Variants in HS3ST4 observed in about 807,000 individuals in gnomAD.
HS3ST4 encodes heparan sulfate glucosamine 3-O-sulfotransferase 4.
In HS3ST4, 17 loss-of-function variants were observed where a neutral mutation model predicts 29.2. The observed-to-expected ratio is 0.58, with a 90% CI of 0.40 to 0.87. The LOEUF is 0.87. Among genes scored for constraint, HS3ST4 ranks in the 40% least tolerant of loss-of-function variants. HS3ST4 has a pLI of 0.00. For synonymous variants in HS3ST4, 314 were observed against 285.7 expected (o/e 1.10, Z -1.00); for missense variants, 627 against 634.5 (o/e 0.99, Z 0.13).
At chr16:25,729,101 A>G (rs1332661326) in intron 1 of HS3ST4, among the ~76,000 whole-genome samples, 1 of 152,026 alleles carries the variant, frequency 6.6e-6, no homozygotes, top group Non-Finnish European at 1.5e-5. Context: ...AGGAAAAAGG[A>G]AAGAGAAAAA....
At chr16:25,830,805 A>G (rs1461905908) in intron 1 of HS3ST4, among the ~76,000 whole-genome samples, 1 of 150,952 alleles carries the variant, frequency 6.6e-6, no homozygotes, top group Non-Finnish European at 1.5e-5. Context: ...ACCCACCTCT[A>G]TCTCTTATCC....
intron 1 of HS3ST4, among the ~76,000 whole-genome samples, chr16:25,699,765 G>A (rs1432383082): frequency 6.6e-6 from 1 of 152,180 alleles, no homozygotes; most frequent in Non-Finnish European, 1.5e-5. Flanking sequence ...GTATGTCTGA[G>A]CCAGAATCTA....
At chr16:25,798,331 C>T (rs890712664) in intron 1 of HS3ST4, among the ~76,000 whole-genome samples, 4 of 152,200 alleles carry the variant, frequency 2.6e-5, no homozygotes, top group African/African-American at 9.7e-5. Context: ...CTTACAACCA[C>T]AAAAGTTCAT....
chr16:25,778,979 G>T (rs926360203), intron 1 of HS3ST4, among the ~76,000 whole-genome samples: 1 of 152,098 alleles, frequency 6.6e-6, no homozygotes, highest in African/African-American at 2.4e-5. Context: ...GTGAGCCAAA[G>T]TCTTAAATCT....
chr16:25,776,952 A>G (rs1007597411), intron 1 of HS3ST4, among the ~76,000 whole-genome samples: 2 of 152,246 alleles, frequency 1.3e-5, no homozygotes, highest in Non-Finnish European at 2.9e-5. Flanking sequence ...ACAAAATATA[A>G]CAGAGATATC....
chr16:26,050,701 C>T (rs542554653), intron 1 of HS3ST4, among the ~76,000 whole-genome samples: 3 of 152,232 alleles, frequency 2.0e-5, no homozygotes, highest in Middle Eastern at 6.8e-3. Context: ...CATTCTTGTG[C>T]GTCCAGCGGA....
chr16:25,771,952 T>C (rs1017569069), intron 1 of HS3ST4, among the ~76,000 whole-genome samples: 1 of 152,192 alleles, frequency 6.6e-6, no homozygotes, highest in Non-Finnish European at 1.5e-5. Flanking sequence ...AAACAGCATT[T>C]AGTGGAAGAT....
intron 1 of HS3ST4, among the ~76,000 whole-genome samples, chr16:25,908,248 G>T (rs1320100191): frequency 4.6e-5 from 7 of 152,168 alleles, no homozygotes; most frequent in African/African-American, 1.7e-4. Context: ...TGAGCAGGGA[G>T]GGATCAAAAT....
At chr16:25,732,845 G>T (rs1000293808) in intron 1 of HS3ST4, among the ~76,000 whole-genome samples, 2 of 152,126 alleles carry the variant, frequency 1.3e-5, no homozygotes, top group East Asian at 1.9e-4. Context: ...CCAATCGGTC[G>T]CAATAGTTCC....
intron 1 of HS3ST4, among the ~76,000 whole-genome samples, chr16:25,937,276 G>T (rs186494109): frequency 6.6e-6 from 1 of 152,250 alleles, no homozygotes; most frequent in African/African-American, 2.4e-5. Context: ...AATACAGACA[G>T]AAATGAAGAA....
At chr16:25,985,299 A>T in intron 1 of HS3ST4, among the ~76,000 whole-genome samples, 1 of 152,176 alleles carries the variant, frequency 6.6e-6, no homozygotes, top group Non-Finnish European at 1.5e-5. Context: ...AGTTTCAGAG[A>T]AGCTAGGAGA....
At chr16:25,841,805 C>T (rs574702654) in intron 1 of HS3ST4, among the ~76,000 whole-genome samples, 201 of 152,198 alleles carry the variant, frequency 1.3e-3, no homozygotes, top group Non-Finnish European at 2.2e-3. Context: ...ACTATTGCTT[C>T]AATATGTTTT....
chr16:25,976,123 A>G (rs1415792790), intron 1 of HS3ST4, among the ~76,000 whole-genome samples: 2 of 152,252 alleles, frequency 1.3e-5, no homozygotes, highest in Non-Finnish European at 2.9e-5. Context: ...CTGTACCCTC[A>G]ACAGCAATGA....
At chr16:25,900,450 ATTTATT>A (rs1018966353) in intron 1 of HS3ST4, among the ~76,000 whole-genome samples, 12 of 152,134 alleles carry the variant, frequency 7.9e-5, no homozygotes, top group African/African-American at 2.9e-4. Flanking sequence ...TTTGTTTTTG[ATTTATT>A]TTTATTTTTT....
At chr16:25,877,352 A>G (rs958632298) in intron 1 of HS3ST4, among the ~76,000 whole-genome samples, 12 of 152,134 alleles carry the variant, frequency 7.9e-5, no homozygotes. Flanking sequence ...TTATGAGGAA[A>G]GGGATTATTT....
chr16:25,785,422 A>C (rs1176369664), intron 1 of HS3ST4, among the ~76,000 whole-genome samples: 1 of 152,192 alleles, frequency 6.6e-6, no homozygotes, highest in Non-Finnish European at 1.5e-5. Context: ...TTACCATTTT[A>C]CCACACCATC....
At chr16:25,704,879 C>CAAAAA (rs775823722) in intron 1 of HS3ST4, among the ~76,000 whole-genome samples, 17 of 122,522 alleles carry the variant, frequency 1.4e-4, no homozygotes, top group African/African-American at 4.3e-4. Context: ...AACTCCATCT[C>CAAAAA]AAAAAAAAAA....
chr16:25,831,395 C>A (rs1967296685), intron 1 of HS3ST4, among the ~76,000 whole-genome samples: 1 of 101,560 alleles, frequency 9.8e-6, no homozygotes, highest in African/African-American at 3.7e-5. Context: ...GACCCCGTCT[C>A]TACACACACA....
chr16:25,951,593 C>CA, intron 1 of HS3ST4, among the ~76,000 whole-genome samples: 1 of 152,326 alleles, frequency 6.6e-6, no homozygotes, highest in South Asian at 2.1e-4. Flanking sequence ...ATCTGTATCC[C>CA]ACTTTCTACT....
Sources: allele counts gnomAD v4.1 joint callset (sites outside exome capture counted in the v4.1 genomes callset), GRCh38; gene constraint gnomAD v4.1.1; transcripts MANE v1.5; gene names NCBI Gene and HGNC (gene_info 2026-07-23, HGNC 2026-07-21).